The following SLC12A2 variants were observed in gnomAD, a reference collection of about 807,000 sequenced individuals.
SLC12A2 encodes Na-K-2Cl cotransporter 1.
Under a neutral mutation model 136.3 loss-of-function variants are expected in SLC12A2, and 67 were observed. That is an observed-to-expected ratio of 0.49 (90% confidence interval 0.40 to 0.60). The LOEUF (loss-of-function observed/expected upper bound fraction) is 0.60, where lower values mean the gene tolerates loss of function less well. Ranked by LOEUF, SLC12A2 falls within the 20% of genes least tolerant of loss-of-function variation. The pLI is 0.00. For missense variants in SLC12A2, 1,322 were observed against 1,534.7 expected (o/e 0.86, Z 2.32); for synonymous variants, 619 against 562.9 (o/e 1.10, Z -1.41).
Position 128,178,558 on chromosome 5 carries a change from A to C in SLC12A2, c.2978-9A>C. The C allele has an allele frequency of 6.4e-7, 1 of 1,550,594 alleles. No individual in the cohort carries two copies. Among genetic ancestry groups the C allele is most frequent in the Non-Finnish European group, 8.7e-7 (1 of 1,154,674 alleles). ...TTGCTTACATTTTATATTTTGCTTA[A>C]TCCTTTAGAATCCAAAGGCCCTATT... On this transcript the variant is annotated splice_polypyrimidine_tract_variant and intron_variant, in intron 21 of 26. Transcript: ENST00000262461.
chr5:128,184,143 A>G (rs531794105), intron 24 of SLC12A2, among the ~76,000 whole-genome samples: 2 of 152,146 alleles, frequency 1.3e-5, no homozygotes, highest in South Asian at 4.2e-4. Flanking sequence ...GGGATGCACA[A>G]TCTGTATTGT....
intron 10 of SLC12A2, among the ~76,000 whole-genome samples, chr5:128,146,796 C>T (rs1035579716): frequency 4.0e-5 from 6 of 151,646 alleles, no homozygotes; most frequent in African/African-American, 1.4e-4. Flanking sequence ...ACAATACTAT[C>T]TTAACATAAG....
intron 10 of SLC12A2, 100 bp from the exon 11 acceptor site, chr5:128,147,522 C>G (rs1315116008): frequency 1.5e-6 from 1 of 669,864 alleles, no homozygotes; most frequent in Non-Finnish European, 2.6e-6. Flanking sequence ...TAAAATGATC[C>G]CTAGTGTTAA....
chr5:128,099,780 A>G (rs1375825776), intron 1 of SLC12A2, among the ~76,000 whole-genome samples: 1 of 152,172 alleles, frequency 6.6e-6, no homozygotes, highest in East Asian at 1.9e-4. Flanking sequence ...TCAAGATCAT[A>G]TCACTTTCAC....
intron 1 of SLC12A2, among the ~76,000 whole-genome samples, chr5:128,095,114 A>G (rs1271334050): frequency 1.3e-5 from 2 of 152,172 alleles, no homozygotes; most frequent in Non-Finnish European, 2.9e-5. Context: ...AATTTTGCAT[A>G]GGATCCTTCC....
intron 5 of SLC12A2, among the ~76,000 whole-genome samples, chr5:128,133,877 T>C (rs530984731): frequency 6.6e-6 from 1 of 152,196 alleles, no homozygotes; most frequent in African/African-American, 2.4e-5. Context: ...GTATTAGTTA[T>C]AACTTTTTTA....
intron 3 of SLC12A2, 133 bp from the exon 4 acceptor site, chr5:128,114,453 A>ATT: frequency 1.2e-6 from 1 of 828,064 alleles, no homozygotes; most frequent in Non-Finnish European, 1.9e-6. Context: ...TTTGGTTTTT[A>ATT]TAAAATGAGA....
chr5:128,149,435 T>C (rs1308925031), intron 12 of SLC12A2, among the ~76,000 whole-genome samples: 1 of 151,772 alleles, frequency 6.6e-6, no homozygotes, highest in Non-Finnish European at 1.5e-5. Flanking sequence ...GATCAAGAGT[T>C]TTCCTTCTAG....
At chr5:128,153,152 T>C (rs186833688) in intron 15 of SLC12A2, among the ~76,000 whole-genome samples, 2 of 152,344 alleles carry the variant, frequency 1.3e-5, no homozygotes, top group East Asian at 3.9e-4. Flanking sequence ...AATTGTTAGT[T>C]GTGTCTTAAT....
Position 128,131,033 on chromosome 5 carries a change from T to G in SLC12A2, c.1049-34T>G, listed in dbSNP as rs748000578. On this transcript the variant is annotated intron_variant, in intron 4 of 26. Coordinates refer to ENST00000262461, the MANE Select transcript of SLC12A2 (RefSeq NM_001046.3). The stretch of plus-strand genomic sequence containing the variant: ...TTGGCATTTTAAATCCTAACTTTAG[T>G]ACCTGTTTTTTTTGTTTGTTTGTTT... 3.1e-6 allele frequency: 5 copies of G among 1,604,040 alleles called. No homozygotes were observed. In the South Asian group the frequency reaches 5.5e-5, roughly 18 times the overall value.
chr5:128,094,631 C>T (rs1760455911), intron 1 of SLC12A2, among the ~76,000 whole-genome samples: 1 of 151,778 alleles, frequency 6.6e-6, no homozygotes, highest in African/African-American at 2.4e-5. Context: ...CTGCAGAGTT[C>T]TAGTGTATGG....
chr5:128,085,744 T>G (rs1197446188), intron 1 of SLC12A2, among the ~76,000 whole-genome samples: 1 of 152,226 alleles, frequency 6.6e-6, no homozygotes, highest in Non-Finnish European at 1.5e-5. Flanking sequence ...GTATGTGATT[T>G]CTTTTGGATA....
chr5:128,176,166 C>T (rs932691397), intron 20 of SLC12A2, among the ~76,000 whole-genome samples: 2 of 151,952 alleles, frequency 1.3e-5, no homozygotes, highest in African/African-American at 4.8e-5. Flanking sequence ...AAAGAACACC[C>T]TTCAAATACT....
chr5:128,118,632 C>T (rs1761441373), intron 4 of SLC12A2, among the ~76,000 whole-genome samples: 1 of 152,106 alleles, frequency 6.6e-6, no homozygotes, highest in African/African-American at 2.4e-5. Flanking sequence ...ATAGTGTATG[C>T]TGCTTGGGTG....
At chr5:128,183,016 A>G (rs906674882) in intron 24 of SLC12A2, 75 bp downstream of exon 24, 4 of 915,708 alleles carry the variant, frequency 4.4e-6, no homozygotes, top group Non-Finnish European at 6.6e-6. Flanking sequence ...ATTAAAACCC[A>G]GAGATTTTTT....
chr5:128,102,596 C>CCCCCTTT (rs1561657602), intron 1 of SLC12A2, among the ~76,000 whole-genome samples: 1 of 40,450 alleles, frequency 2.5e-5, no homozygotes, highest in Non-Finnish European at 4.9e-5. Flanking sequence ...CCCCCCCCGC[C>CCCCCTTT]TTTTTTTTTT....
intron 1 of SLC12A2, among the ~76,000 whole-genome samples, chr5:128,093,951 A>T (rs888091399): frequency 6.6e-6 from 1 of 152,122 alleles, no homozygotes; most frequent in East Asian, 1.9e-4. Context: ...TTCTTTGGTC[A>T]CGTGGCCTTT....
chr5:128,126,794 G>A (rs1009536748), intron 4 of SLC12A2, among the ~76,000 whole-genome samples: 1 of 151,012 alleles, frequency 6.6e-6, no homozygotes, highest in Non-Finnish European at 1.5e-5. Flanking sequence ...TAACTATAAG[G>A]TTTTAAAATG....
intron 1 of SLC12A2, among the ~76,000 whole-genome samples, chr5:128,100,716 T>A (rs929679493): frequency 6.6e-5 from 10 of 152,208 alleles, no homozygotes; most frequent in African/African-American, 2.4e-4. Flanking sequence ...ACTAGACATA[T>A]ACTTCTCTAT....
Sources: allele counts gnomAD v4.1 joint callset (sites outside exome capture counted in the v4.1 genomes callset), GRCh38; gene constraint gnomAD v4.1.1; transcripts MANE v1.5; gene names NCBI Gene and HGNC (gene_info 2026-07-23, HGNC 2026-07-21).